The following UGT1A8 variants were observed in gnomAD, a reference collection of about 807,000 sequenced individuals.
The protein encoded by UGT1A8 is UDP-glucuronosyltransferase 1A8.
UGT1A8 carries 39 observed loss-of-function variants against 45.3 expected under a neutral mutation model. The observed-to-expected ratio is 0.86, with a 90% confidence interval of 0.67 to 1.12. The LOEUF (loss-of-function observed/expected upper bound fraction) is 1.12. Among genes scored for constraint, UGT1A8 ranks in the 50% most tolerant of loss-of-function variants. UGT1A8 has a pLI of 0.00. For synonymous variants in UGT1A8, 275 were observed against 249.2 expected, an observed-to-expected ratio of 1.10 and a Z score of -0.97; for missense variants, 719 against 664.9, an observed-to-expected ratio of 1.08 and a Z score of -0.90.
intron 1 of UGT1A8, among the ~76,000 whole-genome samples, chr2:233,704,027 A>T (rs1383709873): frequency 6.6e-6 from 1 of 152,010 alleles, no homozygotes; most frequent in Non-Finnish European, 1.5e-5. Flanking sequence ...AGCAGCTGGA[A>T]CTACAGGTGT....
chr2:233,760,186 C>A (rs1697340087), intron 1 of UGT1A8: 1 of 1,558,560 alleles, frequency 6.4e-7, no homozygotes, highest in African/African-American at 1.4e-5. Flanking sequence ...TTTTTATAGT[C>A]ACGTGACACA....
At chr2:233,664,122 G>T (rs1359927190) in intron 1 of UGT1A8, among the ~76,000 whole-genome samples, 1 of 152,102 alleles carries the variant, frequency 6.6e-6, no homozygotes, top group African/African-American at 2.4e-5. Context: ...GCATAGCAAG[G>T]GTGACCTTTG....
chr2:233,672,285 T>A (rs1472432556), intron 1 of UGT1A8: 1 of 1,613,764 alleles, frequency 6.2e-7, no homozygotes, highest in Non-Finnish European at 8.5e-7. Context: ...ATGACATTTT[T>A]GACTTATTTT....
chr2:233,743,932 C>T (rs927230635), intron 1 of UGT1A8: 9 of 1,358,952 alleles, frequency 6.6e-6, no homozygotes, highest in African/African-American at 5.9e-5. Flanking sequence ...ATGGCCAGAA[C>T]GGCCCACCAG....
intron 1 of UGT1A8, among the ~76,000 whole-genome samples, chr2:233,662,859 A>C (rs1050028090): frequency 6.6e-6 from 1 of 151,138 alleles, no homozygotes; most frequent in Non-Finnish European, 1.5e-5. Flanking sequence ...GGACTCTGTC[A>C]AACACTTTTT....
At chr2:233,691,138 TG>T in intron 1 of UGT1A8, 1 of 985,810 alleles carries the variant, frequency 1.0e-6, no homozygotes, top group Non-Finnish European at 1.2e-6. Context: ...TTCCTCTAGA[TG>T]AACTGTTCTT....
At chr2:233,708,724 C>G (rs1198827860) in intron 1 of UGT1A8, 1 of 152,188 alleles carries the variant, frequency 6.6e-6, no homozygotes, top group Non-Finnish European at 1.5e-5. Flanking sequence ...GCACCTCAGC[C>G]TGGGCAACAG....
At chr2:233,747,905 T>G in intron 1 of UGT1A8, 2 of 1,613,538 alleles carry the variant, frequency 1.2e-6, no homozygotes, top group Non-Finnish European at 1.7e-6. Flanking sequence ...CTGCTCCTTA[T>G]GCAAGCCTTG....
chr2:233,674,338 A>G (rs1038905928), intron 1 of UGT1A8, among the ~76,000 whole-genome samples: 2 of 152,196 alleles, frequency 1.3e-5, no homozygotes, highest in Non-Finnish European at 2.9e-5. Context: ...TGCAAATGGC[A>G]GAAATCTAAG....
At chr2:233,710,121 G>A (rs1020127755) in intron 1 of UGT1A8, among the ~76,000 whole-genome samples, 2 of 152,068 alleles carry the variant, frequency 1.3e-5, no homozygotes, top group Non-Finnish European at 2.9e-5. Flanking sequence ...TTCTATTTCC[G>A]AGTAGCATTT....
rs765507951 is a variant in UGT1A8 at position 233,618,482 on chromosome 2, T to C, written c.775T>C (p.Leu259=). 2 of 1,613,826 alleles carry C rather than the reference T, an allele frequency of 1.2e-6. No homozygotes were observed. Among genetic ancestry groups the C allele is most frequent in the African/African-American group, 2.7e-5 (2 of 74,908 alleles). Reference sequence around the variant, plus strand: ...TTGGTTGTTGCGAACAGACTTTGTTTTGGACTATCCCAAACCCGTGATGCC... The same window carrying C: ...TTGGTTGTTGCGAACAGACTTTGTTCTGGACTATCCCAAACCCGTGATGCC... ...SIWLLRTDFV[L]DYPKPVMPNM... The change falls in exon 1 of 5, where the codon TTG becomes CTG. Residue 259 remains leucine (L), a synonymous_variant. Transcript: ENST00000373450.
chr2:233,638,967 A>G (rs964338744), intron 1 of UGT1A8, among the ~76,000 whole-genome samples: 4 of 152,146 alleles, frequency 2.6e-5, no homozygotes, highest in African/African-American at 9.7e-5. Flanking sequence ...TCCTCCATTA[A>G]TTACAGTACC....
intron 1 of UGT1A8, among the ~76,000 whole-genome samples, chr2:233,738,562 T>C (rs1039423006): frequency 6.6e-6 from 1 of 152,186 alleles, no homozygotes; most frequent in African/African-American, 2.4e-5. Context: ...AGATGAGGAA[T>C]CTGTTGAGAA....
chr2:233,630,380 T>C (rs930260743), intron 1 of UGT1A8, among the ~76,000 whole-genome samples: 1 of 152,120 alleles, frequency 6.6e-6, no homozygotes, highest in Non-Finnish European at 1.5e-5. Context: ...CCTTAAGGTG[T>C]TGCCTGACAC....
At chr2:233,642,530 A>G (rs1222048938) in intron 1 of UGT1A8, among the ~76,000 whole-genome samples, 5 of 152,126 alleles carry the variant, frequency 3.3e-5, no homozygotes, top group African/African-American at 1.2e-4. Flanking sequence ...ACCTTATTTA[A>G]TTCATTTGAT....
At chr2:233,742,102 G>T (rs1682785139) in intron 1 of UGT1A8, 1 of 151,856 alleles carries the variant, frequency 6.6e-6, no homozygotes, top group South Asian at 2.1e-4. Context: ...AGGACCCACT[G>T]CCAAGACCAG....
intron 1 of UGT1A8, chr2:233,719,279 C>G (rs371816622): frequency 1.2e-6 from 2 of 1,613,960 alleles, no homozygotes; most frequent in Non-Finnish European, 1.7e-6. Context: ...TAACAGACCC[C>G]GTTAACCTCT....
intron 1 of UGT1A8, among the ~76,000 whole-genome samples, chr2:233,625,457 TA>T (rs908877459): frequency 1.3e-5 from 2 of 151,960 alleles, no homozygotes; most frequent in Non-Finnish European, 2.9e-5. Context: ...ATATATATAT[TA>T]AAAAAATCAT....
intron 1 of UGT1A8, chr2:233,713,275 G>A (rs1268736008): frequency 6.2e-7 from 1 of 1,614,224 alleles, no homozygotes; most frequent in South Asian, 1.1e-5. Flanking sequence ...CTTTTGCTGG[G>A]TCACACTCAA....
Sources: allele counts gnomAD v4.1 joint callset (sites outside exome capture counted in the v4.1 genomes callset), GRCh38; gene constraint gnomAD v4.1.1; transcripts MANE v1.5; gene names NCBI Gene and HGNC (gene_info 2026-07-23, HGNC 2026-07-21).